The following INTS10 variants were observed in gnomAD, a reference collection of about 807,000 sequenced individuals.
The protein encoded by INTS10 is integrator complex subunit 10.
INTS10 carries 44 observed loss-of-function variants against 94.4 expected under a neutral mutation model. That is an observed-to-expected ratio of 0.47 (90% CI 0.37 to 0.60). INTS10 has a LOEUF of 0.60. Ranked by LOEUF, INTS10 falls within the 20% of genes least tolerant of loss-of-function variation. The pLI, the probability that INTS10 is intolerant of heterozygous loss-of-function variation, is 0.00. For synonymous variants in INTS10, 341 were observed against 320.7 expected (o/e 1.06, Z -0.68); for missense variants, 797 against 868.7 (o/e 0.92, Z 1.04).
At position 19,843,621 on chromosome 8, in the gene INTS10, A is replaced by C. The variant is rs2128805691; in HGVS notation, c.1720-455A>C. ...ATTTCTTTAGTTCACACTTCTGCTT[A>C]TTTCCTTGTGGCTCACCACCTTTCC... On this transcript the variant is annotated intron_variant, in intron 14 of 16. Coordinates refer to ENST00000397977, the MANE Select transcript of INTS10 (RefSeq NM_018142.4). This position sits in a 1 kb window ranked among gnomAD's most constrained non-coding sequence, Gnocchi z 4.7. 6.6e-6 allele frequency among the ~76,000 whole-genome samples: 1 copy of C among 152,308 alleles called. No homozygotes were observed. The highest frequency in any genetic ancestry group is 2.1e-4 in the South Asian group (1 of 4,826).
chr8:19,836,944 C>T (rs1480311983), intron 12 of INTS10, 108 bp from the exon 13 acceptor site: 2 of 704,886 alleles, frequency 2.8e-6, no homozygotes, highest in Non-Finnish European at 5.1e-6. Flanking sequence ...GAAATACAGA[C>T]TTCCATGTAC....
At chr8:19,819,913 G>C (rs952416629) in intron 3 of INTS10, among the ~76,000 whole-genome samples, 2 of 152,172 alleles carry the variant, frequency 1.3e-5, no homozygotes, top group African/African-American at 2.4e-5. Context: ...TTTTTAACAG[G>C]TTTTACAATA....
chr8:19,831,478 A>G (rs1164757063), intron 10 of INTS10, among the ~76,000 whole-genome samples: 4 of 152,152 alleles, frequency 2.6e-5, no homozygotes, highest in Non-Finnish European at 4.4e-5. Flanking sequence ...TGAGCTCAGG[A>G]GTTAGAGACT....
intron 10 of INTS10, 61 bp from the exon 11 acceptor site, chr8:19,831,967 G>A (rs1475237185): frequency 3.1e-6 from 3 of 967,280 alleles, no homozygotes; most frequent in African/African-American, 1.6e-5. Context: ...GGATTTGTTA[G>A]TTTGTTTTCT....
intron 13 of INTS10, among the ~76,000 whole-genome samples, chr8:19,838,702 G>T (rs1180967399): frequency 6.6e-6 from 1 of 152,142 alleles, no homozygotes; most frequent in Non-Finnish European, 1.5e-5. Context: ...CAAAATATTA[G>T]CAAATTGAAT....
chr8:19,837,098 C>T lies in INTS10; in HGVS notation c.1577C>T (p.Pro526Leu), dbSNP rs747088887. The T allele has an allele frequency of 6.8e-6, 11 of 1,613,802 alleles. No individual in the cohort carries two copies. Among genetic ancestry groups the T allele is most frequent in the Non-Finnish European group, 9.3e-6 (11 of 1,179,812 alleles). Residue 526 changes from proline to leucine, a missense_variant, in exon 13 of 17, where the codon CCC becomes CTC. Coordinates refer to ENST00000397977, the MANE Select transcript of INTS10 (RefSeq NM_018142.4). ...VLDLMCYMVL[P>L]IQDGGKSQEE... ...GATTTGATGTGCTACATGGTACTCC[C>T]CATTCAAGATGGAGGCAAATCCCAG...
chr8:19,841,360 A>G (rs897138685), intron 13 of INTS10, among the ~76,000 whole-genome samples: 25 of 152,310 alleles, frequency 1.6e-4, no homozygotes, highest in South Asian at 6.2e-4. Flanking sequence ...GGCTGTTACA[A>G]TCAAAGTGAA....
At chr8:19,819,384 C>G (rs2066190126) in intron 2 of INTS10, among the ~76,000 whole-genome samples, 189 bp from the exon 3 acceptor site, 1 of 152,150 alleles carries the variant, frequency 6.6e-6, no homozygotes, top group African/African-American at 2.4e-5. Context: ...CCACTAAAGA[C>G]TTATGTGAGT....
chr8:19,833,025 C>T (rs1024821002), intron 11 of INTS10, 144 bp from the exon 12 acceptor site: 13 of 548,960 alleles, frequency 2.4e-5, no homozygotes, highest in Middle Eastern at 3.7e-4. Context: ...GCCAATTCTC[C>T]GTTTCTTCCT....
chr8:19,824,467 GGGT>G (rs2066634772), intron 7 of INTS10: 1 of 199,096 alleles, frequency 5.0e-6, no homozygotes, highest in African/African-American at 2.4e-5. Context: ...AATCCAGCCT[GGGT>G]GACAGAGTGA....
chr8:19,833,394 G>T, intron 12 of INTS10, 73 bp downstream of exon 12: 1 of 1,204,142 alleles, frequency 8.3e-7, no homozygotes, highest in Non-Finnish European at 1.1e-6. Flanking sequence ...CCCTAGCGTG[G>T]CTTTTCATTC....
chr8:19,848,892 C>G (rs2068791450), intron 16 of INTS10: 2 of 199,094 alleles, frequency 1.0e-5, no homozygotes, highest in South Asian at 1.3e-4. Flanking sequence ...TCACTGGTCG[C>G]TTTTTATACC....
intron 2 of INTS10, 46 bp from the exon 3 acceptor site, chr8:19,819,527 G>C (rs752667801): frequency 2.3e-5 from 33 of 1,462,074 alleles, no homozygotes; most frequent in Non-Finnish European, 3.0e-5. Flanking sequence ...TTTGGATACT[G>C]TATAGACTTT....
chr8:19,842,442 A>C (rs892641511), intron 13 of INTS10, among the ~76,000 whole-genome samples: 1 of 152,218 alleles, frequency 6.6e-6, no homozygotes, highest in Non-Finnish European at 1.5e-5. Context: ...TCTGCGATGG[A>C]AGAGAATGGG....
chr8:19,833,373 C>G (rs766998472), intron 12 of INTS10, 52 bp downstream of exon 12: 8 of 1,366,140 alleles, frequency 5.9e-6, no homozygotes, highest in South Asian at 1.7e-5. Context: ...GCCACCTGGC[C>G]TTTCTCCTTT....
At chr8:19,828,707 G>C (rs1406573674) in intron 9 of INTS10, among the ~76,000 whole-genome samples, 1 of 151,010 alleles carries the variant, frequency 6.6e-6, no homozygotes, top group Non-Finnish European at 1.5e-5. Flanking sequence ...ACAGTACCTG[G>C]CAGATACGGT....
At chr8:19,839,829 G>A (rs556714124) in intron 13 of INTS10, among the ~76,000 whole-genome samples, 9 of 152,224 alleles carry the variant, frequency 5.9e-5, no homozygotes, top group African/African-American at 9.6e-5. Context: ...TTGGGAGGCC[G>A]AGGCAGGTGG....
chr8:19,836,341 TAGAG>T (rs991410045), intron 12 of INTS10, among the ~76,000 whole-genome samples: 29 of 152,108 alleles, frequency 1.9e-4, no homozygotes, highest in Non-Finnish European at 3.4e-4. Context: ...TTTGAGTAGA[TAGAG>T]AGGGAGCGGT....
At position 19,846,047 on chromosome 8, in the gene INTS10, C is replaced by T. The variant is rs1049190510; in HGVS notation, c.1976+250C>T. ...CAACTTTTTCACTAGACAAAAGTCT[C>T]ATTCATGATATCTTTTACTTTCAAA... On this transcript the variant is annotated intron_variant, in intron 16 of 16. Coordinates refer to ENST00000397977, the MANE Select transcript of INTS10 (RefSeq NM_018142.4). This position sits in a 1 kb window ranked among gnomAD's most constrained non-coding sequence, Gnocchi z 4.2. The T allele has an allele frequency of 2.1e-4, 83 of 398,372 alleles. No individual in the cohort carries two copies. The highest frequency in any genetic ancestry group is 3.6e-4 in the Non-Finnish European group (78 of 216,452). 24.7% of individuals were successfully genotyped at this position (398,372 alleles called of 1,614,324 possible). A position where few individuals can be genotyped will look rare whatever the true frequency, so the allele number is the denominator to read the frequency against.
Sources: gnomAD v4.1 joint callset for allele counts (sites outside exome capture counted in the v4.1 genomes callset) on GRCh38, gnomAD v4.1.1 for gene constraint, Gnocchi (gnomAD v3.1) non-coding constraint, MANE v1.5 for transcripts, NCBI Gene and HGNC (gene_info 2026-07-23, HGNC 2026-07-21) for gene names.